Variants in LAMB1 observed in about 807,000 individuals in gnomAD.
LAMB1 encodes laminin subunit beta 1.
Under a neutral mutation model 222.3 loss-of-function variants are expected in LAMB1, and 121 were observed. The observed-to-expected ratio is 0.54, with a 90% CI of 0.47 to 0.63. The LOEUF is 0.63. Among genes scored for constraint, LAMB1 ranks in the 30% least tolerant of loss-of-function variants. The pLI is 0.00. For missense variants in LAMB1, 2,172 were observed against 2,240.8 expected, an observed-to-expected ratio of 0.97 and a Z score of 0.62; for synonymous variants, 794 against 807.2, an observed-to-expected ratio of 0.98 and a Z score of 0.28.
intron 2 of LAMB1, chr7:108,002,200 G>A (rs2034403135): frequency 1.5e-6 from 2 of 1,372,084 alleles, no homozygotes; most frequent in East Asian, 4.1e-5. Flanking sequence ...AGATCTGTGA[G>A]CTTGGGAAGC....
intron 15 of LAMB1, 44 bp from the exon 16 acceptor site, chr7:107,961,720 T>C: frequency 6.3e-7 from 1 of 1,587,134 alleles, no homozygotes; most frequent in Non-Finnish European, 8.6e-7. Context: ...AGCCCACCAC[T>C]GCCTGTTTAT....
chr7:107,972,888 T>C, intron 13 of LAMB1, 104 bp downstream of exon 13: 2 of 903,418 alleles, frequency 2.2e-6, no homozygotes, highest in Non-Finnish European at 3.7e-6. Flanking sequence ...ATACAAAAAA[T>C]ATTTTGCATG....
intron 24 of LAMB1, among the ~76,000 whole-genome samples, chr7:107,945,911 G>A (rs2033105379): frequency 6.6e-6 from 1 of 152,078 alleles, no homozygotes; most frequent in Non-Finnish European, 1.5e-5. Context: ...TGAAAAGTTT[G>A]TGCCACTTAC....
At chr7:107,929,901 A>G in intron 29 of LAMB1, 2 of 447,474 alleles carry the variant, frequency 4.5e-6, no homozygotes, top group Non-Finnish European at 8.1e-6. Flanking sequence ...TCAGATTTTA[A>G]GGGATAATAG....
intron 9 of LAMB1, among the ~76,000 whole-genome samples, chr7:107,977,203 C>T (rs2033884883): frequency 6.8e-6 from 1 of 147,618 alleles, no homozygotes; most frequent in South Asian, 2.2e-4. Context: ...CCAGCTCTCA[C>T]TGGCTGCTGA....
intron 5 of LAMB1, among the ~76,000 whole-genome samples, chr7:107,988,334 A>C (rs1308414004): frequency 6.6e-6 from 1 of 152,208 alleles, no homozygotes; most frequent in Admixed American, 6.5e-5. Flanking sequence ...CCCATCAGAC[A>C]CTTGGAAAAA....
intron 2 of LAMB1, chr7:108,002,473 G>A: frequency 8.0e-7 from 1 of 1,253,878 alleles, no homozygotes; most frequent in Non-Finnish European, 1.0e-6. Context: ...CTCAGCTCAG[G>A]CACTCTCCTG....
At chr7:107,993,827 A>T (rs1038707433) in intron 5 of LAMB1, among the ~76,000 whole-genome samples, 2 of 152,158 alleles carry the variant, frequency 1.3e-5, no homozygotes, top group African/African-American at 4.8e-5. Context: ...CACTCTCAAT[A>T]CCAGGTGTCA....
intron 5 of LAMB1, among the ~76,000 whole-genome samples, chr7:107,987,331 G>A (rs1016740674): frequency 1.3e-5 from 2 of 152,152 alleles, no homozygotes; most frequent in African/African-American, 2.4e-5. Context: ...TCTGTTTGGG[G>A]TGATGAAAAA....
intron 1 of LAMB1, 54 bp downstream of exon 1, chr7:108,003,057 C>A (rs2034422010): frequency 7.1e-7 from 1 of 1,404,692 alleles, no homozygotes; most frequent in Admixed American, 2.8e-5. Flanking sequence ...CCCACGGAAG[C>A]GGGGGGTGGG....
rs539574478 is a variant in LAMB1, at chr7:107,949,923, C to T, written c.3391+1303G>A. Among the ~76,000 whole-genome samples the T allele has an allele frequency of 7.2e-5, 11 of 152,118 alleles. No individual in the cohort carries two copies. The East Asian group carries it at 1.9e-3, about 27-fold the overall frequency. On this transcript the variant is annotated intron_variant, in intron 24 of 33. Transcript: ENST00000222399. ...TGTAGTTGTGTCCAAAAAAAGAAAA[C>T]GGTCATTTTAAAAATTTAAGAGTCC...
chr7:107,981,447 A>T (rs1377364215), intron 7 of LAMB1, among the ~76,000 whole-genome samples: 1 of 42,502 alleles, frequency 2.4e-5, no homozygotes, highest in African/African-American at 8.7e-5. Context: ...AAACTGTTTA[A>T]AAAAAAAAAA....
chr7:107,951,328 G>T lies in LAMB1; in HGVS notation c.3295-6C>A, dbSNP rs377100945. ...CACTGGCACTGCCCCGTGAACTGCG[G>T]CCAGAACACAGACCTTGGTCAAGCA... On this transcript the variant is annotated splice_polypyrimidine_tract_variant and splice_region_variant and intron_variant, in intron 23 of 33. Coordinates refer to ENST00000222399, the MANE Select transcript of LAMB1 (RefSeq NM_002291.3). The T allele has an allele frequency of 2.9e-5, 46 of 1,613,612 alleles. No individual in the cohort carries two copies. The highest frequency in any genetic ancestry group is 5.0e-5 in the Admixed American group (3 of 59,980).
intron 27 of LAMB1, among the ~76,000 whole-genome samples, chr7:107,932,865 T>G (rs1340969743): frequency 6.6e-6 from 1 of 152,196 alleles, no homozygotes; most frequent in Non-Finnish European, 1.5e-5. Context: ...GACTGGATCA[T>G]TCCACATAAA....
At chr7:107,993,065 T>C (rs976823198) in intron 5 of LAMB1, among the ~76,000 whole-genome samples, 4 of 152,132 alleles carry the variant, frequency 2.6e-5, no homozygotes, top group African/African-American at 9.7e-5. Context: ...ACCCCATAGA[T>C]GTTGCTTTTC....
chr7:107,930,024 A>G (rs2032667209), intron 29 of LAMB1: 1 of 186,406 alleles, frequency 5.4e-6, no homozygotes, highest in Non-Finnish European at 1.1e-5. Context: ...AGAGGGCCAG[A>G]GCTTAAAGCT....
intron 25 of LAMB1, 59 bp from the exon 26 acceptor site, chr7:107,937,336 T>G: frequency 7.2e-7 from 1 of 1,382,302 alleles, no homozygotes; most frequent in Non-Finnish European, 1.0e-6. Context: ...AACTTTCACG[T>G]TTCATATTTT....
intron 5 of LAMB1, among the ~76,000 whole-genome samples, chr7:107,992,176 C>T (rs1241594796): frequency 6.6e-6 from 1 of 152,208 alleles, no homozygotes; most frequent in East Asian, 1.9e-4. Flanking sequence ...CTTCCATCTC[C>T]TCCCACTGAC....
intron 12 of LAMB1, among the ~76,000 whole-genome samples, chr7:107,974,036 C>A (rs2033803878): frequency 6.6e-6 from 1 of 152,040 alleles, no homozygotes; most frequent in South Asian, 2.1e-4. Context: ...CTTGGCCACC[C>A]AAAGCACTGA....
Sources: gnomAD v4.1 joint callset for allele counts (sites outside exome capture counted in the v4.1 genomes callset) on GRCh38, gnomAD v4.1.1 for gene constraint, MANE v1.5 for transcripts, NCBI Gene and HGNC (gene_info 2026-07-23, HGNC 2026-07-21) for gene names.